Variants in HNRNPM observed in about 807,000 individuals in gnomAD.
The protein encoded by HNRNPM is CEA receptor.
HNRNPM carries 11 observed loss-of-function variants against 73.1 expected under a neutral mutation model. That is an observed-to-expected ratio of 0.15 (90% CI 0.09 to 0.25). The LOEUF is 0.25. HNRNPM is among the 10% of genes least tolerant of loss of function. The pLI is 1.00. For synonymous variants in HNRNPM, 407 were observed against 355.2 expected, an observed-to-expected ratio of 1.15 and a Z score of -1.64; for missense variants, 789 against 1,067.9, an observed-to-expected ratio of 0.74 and a Z score of 3.64.
At chr19:8,473,532 T>C in intron 10 of HNRNPM, 132 bp from the exon 11 acceptor site, 2 of 641,678 alleles carry the variant, frequency 3.1e-6, no homozygotes, top group Admixed American at 6.2e-5. Context: ...CTGATTAAAA[T>C]ATATAAAATA....
intron 12 of HNRNPM, 47 bp downstream of exon 12, chr19:8,474,291 G>A (rs965919396): frequency 3.5e-6 from 5 of 1,417,658 alleles, no homozygotes; most frequent in Non-Finnish European, 3.8e-6. Context: ...TTTGCCGGCT[G>A]TTGCCTCTCA....
intron 13 of HNRNPM, among the ~76,000 whole-genome samples, chr19:8,485,307 G>T (rs1971198512): frequency 6.6e-6 from 1 of 152,130 alleles, no homozygotes; most frequent in African/African-American, 2.4e-5. Flanking sequence ...TGACGTCCAT[G>T]GTTCACAAAG....
Position 8,463,486 on chromosome 19 carries a change from T to C in HNRNPM, c.337-11T>C, listed in dbSNP as rs1969530114. ...CTTGCTCTTCTGACTGGTCTCTGGC[T>C]TCCTCCAAAGGGATGTGCGTAAGTA... is the stretch of plus-strand genomic sequence containing the variant. On this transcript the variant is annotated splice_polypyrimidine_tract_variant and intron_variant, in intron 3 of 15. Transcript: ENST00000325495. 1 of 1,613,968 alleles carries C rather than the reference T, an allele frequency of 6.2e-7. No individual in the cohort carries two copies. The highest frequency in any genetic ancestry group is 1.1e-5 in the South Asian group (1 of 91,086).
At chr19:8,455,944 CTT>C (rs369296420) in intron 2 of HNRNPM, among the ~76,000 whole-genome samples, 2 of 134,492 alleles carry the variant, frequency 1.5e-5, no homozygotes, top group African/African-American at 5.5e-5. Flanking sequence ...CCTTTCTTTC[CTT>C]TTTTTTTTTT....
intron 13 of HNRNPM, among the ~76,000 whole-genome samples, chr19:8,485,110 A>G (rs546242221): frequency 4.6e-5 from 7 of 151,958 alleles, no homozygotes; most frequent in Non-Finnish European, 1.0e-4. Context: ...AAATGCAGCC[A>G]GAGTGGCCCC....
chr19:8,481,716 A>G (rs1466372907), intron 12 of HNRNPM, among the ~76,000 whole-genome samples: 1 of 152,190 alleles, frequency 6.6e-6, no homozygotes, highest in African/African-American at 2.4e-5. Flanking sequence ...CAGGCTGCCA[A>G]AAAGCCTAAA....
intron 1 of HNRNPM, among the ~76,000 whole-genome samples, chr19:8,447,942 CG>C (rs1421916717): frequency 6.6e-6 from 1 of 152,064 alleles, no homozygotes; most frequent in East Asian, 1.9e-4. Flanking sequence ...AGGAGAATGG[CG>C]TGAACCTGGG....
intron 12 of HNRNPM, among the ~76,000 whole-genome samples, chr19:8,482,263 G>A (rs1295357098): frequency 6.6e-6 from 1 of 152,214 alleles, no homozygotes; most frequent in Non-Finnish European, 1.5e-5. Context: ...CCGGGGGACA[G>A]GTTTTAATGG....
chr19:8,450,473 C>G (rs142267359), intron 1 of HNRNPM, among the ~76,000 whole-genome samples: 16 of 151,366 alleles, frequency 1.1e-4, no homozygotes, highest in Middle Eastern at 6.9e-3. Flanking sequence ...GTGCAGTGTA[C>G]GATCTCTACT....
intron 8 of HNRNPM, among the ~76,000 whole-genome samples, chr19:8,468,126 A>G (rs1351332948): frequency 6.6e-6 from 1 of 152,262 alleles, no homozygotes; most frequent in Non-Finnish European, 1.5e-5. Context: ...TGGCGCATTC[A>G]GGAAGTCACC....
chr19:8,463,963 C>G (rs989434472), intron 5 of HNRNPM: 6 of 356,308 alleles, frequency 1.7e-5, no homozygotes, highest in Non-Finnish European at 3.1e-5. Flanking sequence ...ACCATGAGCC[C>G]GTGGGTTTGT....
chr19:8,446,802 G>A (rs1162592009), intron 1 of HNRNPM, among the ~76,000 whole-genome samples: 2 of 152,136 alleles, frequency 1.3e-5, no homozygotes, highest in Non-Finnish European at 2.9e-5. Flanking sequence ...CTTAAGTAGG[G>A]AGAAATAAAA....
At chr19:8,475,912 T>C (rs1970472585) in intron 12 of HNRNPM, among the ~76,000 whole-genome samples, 1 of 148,412 alleles carries the variant, frequency 6.7e-6, no homozygotes, top group Non-Finnish European at 1.5e-5. Context: ...TCTCTTTTTT[T>C]TTTTTTTTTT....
At chr19:8,445,391 A>C in intron 1 of HNRNPM, 2 of 316,622 alleles carry the variant, frequency 6.3e-6, no homozygotes, top group Non-Finnish European at 1.2e-5. Context: ...GCTGCTGCGC[A>C]TGGGGGTTGA....
At chr19:8,477,402 T>C (rs1204581185) in intron 12 of HNRNPM, among the ~76,000 whole-genome samples, 1 of 152,036 alleles carries the variant, frequency 6.6e-6, no homozygotes, top group African/African-American at 2.4e-5. Flanking sequence ...TCACACCTGT[T>C]ATCCCAACAC....
chr19:8,454,575 T>G (rs538356215), intron 1 of HNRNPM, among the ~76,000 whole-genome samples: 1 of 152,088 alleles, frequency 6.6e-6, no homozygotes, highest in Admixed American at 6.6e-5. Flanking sequence ...TTAATTCTTT[T>G]GGGTGTATAC....
intron 12 of HNRNPM, among the ~76,000 whole-genome samples, chr19:8,478,589 G>T (rs1411180310): frequency 2.0e-5 from 3 of 151,998 alleles, no homozygotes; most frequent in Non-Finnish European, 4.4e-5. Flanking sequence ...GAGTCAGCTG[G>T]TTTTTTTTAA....
chr19:8,460,654 G>C (rs1324095342), intron 2 of HNRNPM, among the ~76,000 whole-genome samples: 1 of 152,230 alleles, frequency 6.6e-6, no homozygotes, highest in East Asian at 1.9e-4. Flanking sequence ...TGCAATTACA[G>C]CTTTTTGATC....
intron 2 of HNRNPM, among the ~76,000 whole-genome samples, chr19:8,457,714 CTTA>C (rs1451144775): frequency 6.6e-6 from 1 of 152,206 alleles, no homozygotes; most frequent in Non-Finnish European, 1.5e-5. Context: ...AAATACTCTT[CTTA>C]TTACGTGCTT....
Sources: allele counts gnomAD v4.1 joint callset (sites outside exome capture counted in the v4.1 genomes callset), GRCh38; gene constraint gnomAD v4.1.1; transcripts MANE v1.5; gene names NCBI Gene and HGNC (gene_info 2026-07-23, HGNC 2026-07-21).